DIP2C: variants seen among roughly 807,000 people sequenced by gnomAD.
DIP2C encodes the protein DIP2 acetate--CoA ligase C (putative).
A neutral mutation model predicts 192.4 loss-of-function variants in DIP2C; 33 were observed. The ratio of observed to expected loss-of-function variants is 0.17; its 90% confidence interval spans 0.13 to 0.23. DIP2C has a LOEUF of 0.23. Among genes scored for constraint, DIP2C ranks in the 10% least tolerant of loss-of-function variants. The pLI, the probability that DIP2C is intolerant of heterozygous loss-of-function variation, is 1.00. For missense variants in DIP2C, 1,537 were observed against 2,110.1 expected (o/e 0.73, Z 5.32); for synonymous variants, 979 against 864.1 (o/e 1.13, Z -2.33).
chr10:344,481 A>C (rs1353036091), intron 28 of DIP2C, among the ~76,000 whole-genome samples: 1 of 152,168 alleles, frequency 6.6e-6, no homozygotes, highest in African/African-American at 2.4e-5. Flanking sequence ...AGCCCAGGTT[A>C]AAACGCTAGA....
chr10:510,356 G>C (rs1052958980), intron 1 of DIP2C, among the ~76,000 whole-genome samples: 3 of 152,198 alleles, frequency 2.0e-5, no homozygotes, highest in Non-Finnish European at 4.4e-5. Context: ...TGGGTATTCG[G>C]CATTTTAAGT....
intron 10 of DIP2C, 88 bp from the exon 11 acceptor site, chr10:390,951 C>A: frequency 6.5e-7 from 1 of 1,541,606 alleles, no homozygotes. Flanking sequence ...TCACACAGAC[C>A]CTCGAGTCTG....
intron 1 of DIP2C, among the ~76,000 whole-genome samples, chr10:546,007 T>G (rs1848267914): frequency 6.6e-6 from 1 of 152,170 alleles, no homozygotes; most frequent in Non-Finnish European, 1.5e-5. Flanking sequence ...CCGGGCATGG[T>G]GGGCTTATGC....
chr10:657,830 T>C (rs1856476508), intron 1 of DIP2C, among the ~76,000 whole-genome samples: 1 of 151,212 alleles, frequency 6.6e-6, no homozygotes, highest in Non-Finnish European at 1.5e-5. Flanking sequence ...GACTTGACCC[T>C]GGACCTGCCC....
At chr10:503,028 A>C (rs1419736129) in intron 1 of DIP2C, among the ~76,000 whole-genome samples, 7 of 151,982 alleles carry the variant, frequency 4.6e-5, no homozygotes, top group Admixed American at 4.6e-4. Flanking sequence ...AAATTCCGCC[A>C]GAACACTAAC....
intron 24 of DIP2C, among the ~76,000 whole-genome samples, chr10:351,133 A>G (rs1174512693): frequency 6.6e-6 from 1 of 152,172 alleles, no homozygotes; most frequent in Non-Finnish European, 1.5e-5. Context: ...GCGCAGGGAG[A>G]GAGGCCCAGA....
intron 21 of DIP2C, 45 bp from the exon 22 acceptor site, chr10:362,736 AAAC>A: frequency 6.4e-7 from 1 of 1,557,688 alleles, no homozygotes; most frequent in Non-Finnish European, 8.7e-7. Context: ...GAGGAAGTAT[AAAC>A]AGTACGTATT....
intron 1 of DIP2C, among the ~76,000 whole-genome samples, chr10:621,550 G>A (rs1853852881): frequency 6.6e-6 from 1 of 152,224 alleles, no homozygotes; most frequent in African/African-American, 2.4e-5. Context: ...TGCAGCCTGA[G>A]TCAAACAGTC....
At chr10:407,156 C>G (rs1964865158) in intron 9 of DIP2C, among the ~76,000 whole-genome samples, 1 of 152,250 alleles carries the variant, frequency 6.6e-6, no homozygotes, top group African/African-American at 2.4e-5. Context: ...CCCGTCTAGA[C>G]AAATCGGCTC....
chr10:279,422 G>C (rs1022588808), intron 36 of DIP2C, among the ~76,000 whole-genome samples: 8 of 152,190 alleles, frequency 5.3e-5, no homozygotes, highest in African/African-American at 1.9e-4. Flanking sequence ...GCTGGCCGAG[G>C]GTGTGCTTGC....
intron 1 of DIP2C, among the ~76,000 whole-genome samples, chr10:581,045 C>T (rs557227107): frequency 2.0e-3 from 302 of 152,228 alleles, no homozygotes; most frequent in Middle Eastern, 0.01. Context: ...TGAGAGAGAC[C>T]AATGTCCCAG....
Position 408,048 on chromosome 10 carries a change from TTA to T in DIP2C, c.1149+876_1149+877del, listed in dbSNP as rs898249501. Among the ~76,000 whole-genome samples, 12 of 152,182 alleles carry T rather than the reference TTA, an allele frequency of 7.9e-5. No individual in the cohort carries two copies. The South Asian group carries it at 1.9e-3, about 24-fold the overall frequency. On this transcript the variant is annotated intron_variant, in intron 9 of 36. Transcript: ENST00000280886. ...TATATTTTCTTCTAAGGCATTTTCT[TTA>T]TGTTTTCTTCTAGGTTTTGGCTTTA...
At position 286,169 on chromosome 10, in the gene DIP2C, G is replaced by A. The variant is rs537609856; in HGVS notation, c.4119+104C>T. On this transcript the variant is annotated intron_variant, in intron 34 of 36. Coordinates refer to ENST00000280886, the MANE Select transcript of DIP2C (RefSeq NM_014974.3). ...ATCATAACTCACTCAGCTCAAACCG[G>A]TGTGTGGCAGATGGAGGGCATGTGA... The A allele has an allele frequency of 6.4e-5, 67 of 1,045,814 alleles. No individual in the cohort carries two copies. In the East Asian group the frequency reaches 1.5e-3, roughly 23 times the overall value. 64.8% of individuals were successfully genotyped at this position (1,045,814 alleles called of 1,614,324 possible). A position where few individuals can be genotyped will look rare whatever the true frequency, so the allele number is the denominator to read the frequency against.
At chr10:580,467 G>T (rs776592554) in intron 1 of DIP2C, among the ~76,000 whole-genome samples, 2 of 152,172 alleles carry the variant, frequency 1.3e-5, no homozygotes, top group Non-Finnish European at 2.9e-5. Context: ...GTACACATAT[G>T]CAGTACAGAT....
chr10:338,863 A>G (rs1328282707), intron 29 of DIP2C, among the ~76,000 whole-genome samples: 1 of 140,052 alleles, frequency 7.1e-6, no homozygotes, highest in African/African-American at 2.5e-5. Context: ...CCTGGCTCCC[A>G]CAGCCCACCC....
chr10:560,372 CACA>C (rs1264043473), intron 1 of DIP2C, among the ~76,000 whole-genome samples: 6 of 151,684 alleles, frequency 4.0e-5, no homozygotes, highest in Non-Finnish European at 7.4e-5. Flanking sequence ...ACAAGCTAAA[CACA>C]ACCATTTAAA....
chr10:372,356 T>C (rs1961069216), intron 17 of DIP2C, among the ~76,000 whole-genome samples: 1 of 152,202 alleles, frequency 6.6e-6, no homozygotes, highest in Non-Finnish European at 1.5e-5. Context: ...ATTACAGGCG[T>C]GAGCTACTGT....
At chr10:453,913 A>G (rs970992477) in intron 3 of DIP2C, among the ~76,000 whole-genome samples, 1 of 152,264 alleles carries the variant, frequency 6.6e-6, no homozygotes, top group African/African-American at 2.4e-5. Context: ...CCCCAGCAGC[A>G]GCAGGACCTG....
intron 3 of DIP2C, among the ~76,000 whole-genome samples, chr10:447,204 G>A (rs1203019770): frequency 8.0e-5 from 12 of 149,794 alleles, no homozygotes; most frequent in Non-Finnish European, 1.6e-4. Context: ...CAGTGGAGCA[G>A]CAGGACCCAC....
Sources: allele counts gnomAD v4.1 joint callset (sites outside exome capture counted in the v4.1 genomes callset), GRCh38; gene constraint gnomAD v4.1.1; transcripts MANE v1.5; gene names NCBI Gene and HGNC (gene_info 2026-07-23, HGNC 2026-07-21).